TANGO2: variants seen among roughly 807,000 people sequenced by gnomAD.
TANGO2 encodes transport and Golgi organization protein 2 homolog.
A neutral mutation model predicts 39.1 loss-of-function variants in TANGO2; 26 were observed. The observed-to-expected ratio is 0.67, with a 90% CI of 0.49 to 0.92. TANGO2 has a LOEUF of 0.92. Ranked by LOEUF, TANGO2 falls within the 40% of genes least tolerant of loss-of-function variation. TANGO2 has a pLI of 0.00. For missense variants in TANGO2, 326 were observed against 360.1 expected, an observed-to-expected ratio of 0.91 and a Z score of 0.77; for synonymous variants, 131 against 144.5, an observed-to-expected ratio of 0.91 and a Z score of 0.67.
intron 2 of TANGO2, among the ~76,000 whole-genome samples, chr22:20,041,521 C>G (rs973078461): frequency 6.6e-6 from 1 of 152,128 alleles, no homozygotes; most frequent in African/African-American, 2.4e-5. Context: ...ACCGTGTTAG[C>G]CAGGATGGTC....
intron 1 of TANGO2, among the ~76,000 whole-genome samples, chr22:20,031,069 G>A (rs146681029): frequency 9.2e-5 from 14 of 152,168 alleles, no homozygotes; most frequent in African/African-American, 3.4e-4. Context: ...GTGATGGCAC[G>A]CACCTCTAGT....
chr22:20,056,947 G>A, intron 6 of TANGO2: 3 of 456,542 alleles, frequency 6.6e-6, no homozygotes, highest in Non-Finnish European at 1.3e-5. Context: ...TGGGGAGTGT[G>A]TCAGTGCCCT....
chr22:20,018,439 C>G (rs1427738477), upstream of TANGO2, among the ~76,000 whole-genome samples: 1 of 152,166 alleles, frequency 6.6e-6, no homozygotes, highest in Non-Finnish European at 1.5e-5. Flanking sequence ...TCCAGCTGTC[C>G]CCAGCCATCT....
intron 6 of TANGO2, chr22:20,056,248 G>C (rs1569322191): frequency 5.9e-6 from 4 of 683,494 alleles, no homozygotes; most frequent in Non-Finnish European, 1.1e-5. Flanking sequence ...GTGCGCCCCT[G>C]TTCTGGGCTT....
intron 1 of TANGO2, among the ~76,000 whole-genome samples, chr22:20,027,415 A>T (rs1012706980): frequency 2.0e-5 from 3 of 152,242 alleles, no homozygotes; most frequent in African/African-American, 7.2e-5. Flanking sequence ...GAGGCAGAGC[A>T]GCGGGAAAGC....
rs540428502 is a variant in TANGO2 at position 20,055,998 on chromosome 22, A to G, written c.436A>G (p.Ile146Val). ...YYGNRGEPDP[I>V]VLTPGTYGLS... ...TGGGAACCGAGGGGAGCCTGATCCT[A>G]TCGTTTTGACGCCAGGTGAGCCTGC... Residue 146 changes from isoleucine (I) to valine (V), a missense_variant, in exon 6 of 9, where the codon ATC becomes GTC. Coordinates refer to ENST00000327374, the MANE Select transcript of TANGO2 (RefSeq NM_152906.7). 4 of 1,614,026 alleles carry G rather than the reference A, an allele frequency of 2.5e-6. No individual in the cohort carries two copies. The highest frequency in any genetic ancestry group is 3.4e-6 in the Non-Finnish European group (4 of 1,179,884).
intron 3 of TANGO2, among the ~76,000 whole-genome samples, chr22:20,050,658 G>A (rs1417525419): frequency 2.8e-5 from 4 of 144,936 alleles, no homozygotes; most frequent in Admixed American, 6.8e-5. Flanking sequence ...CACTGCACCC[G>A]GCTTTTTTTT....
chr22:20,063,501 G>A, intron 8 of TANGO2, 59 bp downstream of exon 8: 1 of 1,481,164 alleles, frequency 6.8e-7, no homozygotes, highest in South Asian at 1.2e-5. Flanking sequence ...CCACGCTAGA[G>A]GGCCGGCAAA....
At chr22:20,020,961 C>G (rs1051377959), upstream of TANGO2, 2 of 152,060 alleles carry the variant, frequency 1.3e-5, no homozygotes, top group African/African-American at 4.8e-5. Flanking sequence ...CAGGAGGTGG[C>G]AGCCTCCGAG....
At chr22:20,064,377 CTCA>C (rs1226705996) in intron 8 of TANGO2, among the ~76,000 whole-genome samples, 162 bp from the exon 9 acceptor site, 2 of 152,218 alleles carry the variant, frequency 1.3e-5, no homozygotes, top group Non-Finnish European at 2.9e-5. Context: ...CTGATGGCCC[CTCA>C]TCATCCCCAA....
chr22:20,048,860 T>G (rs1224238271), intron 3 of TANGO2, among the ~76,000 whole-genome samples: 1 of 152,192 alleles, frequency 6.6e-6, no homozygotes, highest in Non-Finnish European at 1.5e-5. Context: ...TTGGCCAGGA[T>G]GGGCTCAATC....
rs553066364 is a variant in TANGO2 at position 20,027,063 on chromosome 22, A to G, written c.-40+5817A>G. 2.0e-5 allele frequency among the ~76,000 whole-genome samples: 3 copies of G among 152,274 alleles called. No homozygotes were observed. In the East Asian group the frequency reaches 5.8e-4, roughly 29 times the overall value. The stretch of plus-strand genomic sequence containing the variant: ...CCTGGCATTTGCTCAGCTTCTGGGG[A>G]GGCCTCAGGAAACTTACAATCATGG... On this transcript the variant is annotated intron_variant, in intron 1 of 8. Transcript: ENST00000327374.
At chr22:20,058,978 T>C (rs2047884174) in intron 6 of TANGO2, among the ~76,000 whole-genome samples, 1 of 152,190 alleles carries the variant, frequency 6.6e-6, no homozygotes, top group Non-Finnish European at 1.5e-5. Context: ...TCTGGATCTT[T>C]CCATCAGAAG....
chr22:20,054,943 A>G (rs967734396), intron 5 of TANGO2: 9 of 152,264 alleles, frequency 5.9e-5, no homozygotes, highest in South Asian at 2.1e-4. Context: ...TGAACCAAGT[A>G]TCTTAGGAAA....
At chr22:20,032,836 G>A (rs975765060) in intron 1 of TANGO2, among the ~76,000 whole-genome samples, 3 of 152,234 alleles carry the variant, frequency 2.0e-5, no homozygotes, top group African/African-American at 7.2e-5. Context: ...CTGGCCACCC[G>A]TGTGCCCACA....
intron 1 of TANGO2, among the ~76,000 whole-genome samples, chr22:20,027,706 C>G (rs528062943): frequency 5.3e-5 from 8 of 152,130 alleles, no homozygotes; most frequent in African/African-American, 1.4e-4. Flanking sequence ...CTCCTGGGCT[C>G]GAGCAATCCT....
chr22:20,017,181 C>G (rs2531716), upstream of TANGO2: 53 of 152,180 alleles, frequency 3.5e-4, no homozygotes, highest in Admixed American at 3.3e-3. Context: ...CGCCACCACT[C>G]CCAGTTCACA....
chr22:20,048,248 G>T (rs1225665966), intron 3 of TANGO2: 1 of 152,136 alleles, frequency 6.6e-6, no homozygotes, highest in Non-Finnish European at 1.5e-5. Context: ...TTTATAAGGG[G>T]CTTTTCCTGC....
At chr22:20,017,788 C>A (rs548555834), upstream of TANGO2, among the ~76,000 whole-genome samples, 5 of 152,210 alleles carry the variant, frequency 3.3e-5, no homozygotes, top group East Asian at 7.7e-4. Context: ...GCCAGCTCTG[C>A]GTAACCTTGT....
Sources: allele counts gnomAD v4.1 joint callset (sites outside exome capture counted in the v4.1 genomes callset), GRCh38; gene constraint gnomAD v4.1.1; transcripts MANE v1.5; gene names NCBI Gene and HGNC (gene_info 2026-07-23, HGNC 2026-07-21).